Variants in CCBE1 observed in about 807,000 individuals in gnomAD.
The protein encoded by CCBE1 is collagen and calcium-binding EGF domain-containing protein 1.
In CCBE1, 37 loss-of-function variants were observed where a neutral mutation model predicts 50.0. The observed-to-expected ratio is 0.74, with a 90% CI of 0.57 to 0.97. The LOEUF (loss-of-function observed/expected upper bound fraction) is 0.97. Among genes scored for constraint, CCBE1 ranks in the 50% least tolerant of loss-of-function variants. The probability of loss-of-function intolerance (pLI) is 0.00; values close to 1 mark genes in which losing one functional copy is unlikely to be tolerated. For missense variants in CCBE1, 538 were observed against 523.8 expected (o/e 1.03, Z -0.26); for synonymous variants, 234 against 203.7 (o/e 1.15, Z -1.27).
At position 59,597,498 on chromosome 18, in the gene CCBE1, T is replaced by C. The variant is rs116899575; in HGVS notation, c.212+99131A>G. Among the ~76,000 whole-genome samples the C allele has an allele frequency of 2.2e-3, 337 of 152,322 alleles. 6 individuals carry two copies. In the East Asian group the frequency reaches 0.032, roughly 14 times the overall value. On this transcript the variant is annotated intron_variant, in intron 2 of 10. Transcript: ENST00000439986. ...TCTCCTTCCTTCTTGCTTCCTCCGG[T>C]CCTCTCTGTATGACCCAAGGCTCAT... is the stretch of plus-strand genomic sequence containing the variant.
intron 5 of CCBE1, chr18:59,464,856 T>C (rs924023322): frequency 1.3e-5 from 2 of 152,292 alleles, no homozygotes; most frequent in African/African-American, 4.8e-5. Flanking sequence ...GCTCTGGTTT[T>C]TTCATCTCTG....
intron 2 of CCBE1, among the ~76,000 whole-genome samples, chr18:59,519,128 C>T (rs1173787543): frequency 6.6e-6 from 1 of 152,106 alleles, no homozygotes; most frequent in East Asian, 1.9e-4. Flanking sequence ...AACCCACTAC[C>T]GAGTACACCC....
At position 59,480,176 on chromosome 18, in the gene CCBE1, T is replaced by G; in HGVS notation, c.265+10A>C. The stretch of plus-strand genomic sequence containing the variant: ...ATAAAGTCAGACAATATCTTTTTTA[T>G]ATTACATACCTTCTGGGATGCATTG... On this transcript the variant is annotated intron_variant, in intron 3 of 10. Transcript: ENST00000439986. 1 of 1,550,606 alleles carries G rather than the reference T, an allele frequency of 6.4e-7. No individual in the cohort carries two copies. Among genetic ancestry groups the G allele is most frequent in the South Asian group, 1.1e-5 (1 of 89,440 alleles).
intron 2 of CCBE1, among the ~76,000 whole-genome samples, chr18:59,638,940 G>T (rs1293048966): frequency 1.3e-5 from 2 of 152,190 alleles, no homozygotes; most frequent in Admixed American, 6.5e-5. Flanking sequence ...TAATTTGAGA[G>T]TAACTGGTTT....
At chr18:59,613,730 C>T (rs965321893) in intron 2 of CCBE1, among the ~76,000 whole-genome samples, 1 of 150,978 alleles carries the variant, frequency 6.6e-6, no homozygotes, top group Admixed American at 6.6e-5. Context: ...GAGACCCCAT[C>T]TTTATTAAAA....
chr18:59,450,637 G>A (rs1910886907), intron 6 of CCBE1, among the ~76,000 whole-genome samples: 1 of 152,172 alleles, frequency 6.6e-6, no homozygotes, highest in Admixed American at 6.5e-5. Context: ...AGGTTCAAGT[G>A]ATTCTCCTGC....
chr18:59,596,409 C>A (rs892603501), intron 2 of CCBE1, among the ~76,000 whole-genome samples: 4 of 151,998 alleles, frequency 2.6e-5, no homozygotes, highest in African/African-American at 7.3e-5. Flanking sequence ...TGTAAATTGA[C>A]CATTTTGGAA....
chr18:59,632,353 C>T (rs537747898), intron 2 of CCBE1, among the ~76,000 whole-genome samples: 180 of 152,268 alleles, frequency 1.2e-3, no homozygotes, highest in African/African-American at 4.2e-3. Context: ...TGCAGTGGCT[C>T]ACTGCAACCT....
At chr18:59,623,413 G>A (rs748232570) in intron 2 of CCBE1, among the ~76,000 whole-genome samples, 46 of 152,172 alleles carry the variant, frequency 3.0e-4, no homozygotes, top group Non-Finnish European at 3.5e-4. Context: ...ACTTATCCAA[G>A]ACACCAAATT....
At chr18:59,652,498 A>G (rs1438213480) in intron 2 of CCBE1, among the ~76,000 whole-genome samples, 1 of 151,828 alleles carries the variant, frequency 6.6e-6, no homozygotes, top group Non-Finnish European at 1.5e-5. Context: ...TTTAATGTAA[A>G]CTCCATAGCC....
chr18:59,549,512 G>A (rs1915836698), intron 2 of CCBE1, among the ~76,000 whole-genome samples: 1 of 152,150 alleles, frequency 6.6e-6, no homozygotes, highest in Non-Finnish European at 1.5e-5. Flanking sequence ...TCCATCTGGT[G>A]CACCGGGGCT....
chr18:59,480,238 C>G lies in CCBE1; in HGVS notation c.213G>C (p.Arg71Ser). 6.3e-7 allele frequency: 1 copy of G among 1,585,976 alleles called. No individual in the cohort carries two copies. Among genetic ancestry groups the G allele is most frequent in the Non-Finnish European group, 8.7e-7 (1 of 1,155,314 alleles). Residue 71 changes from arginine (R) to serine (S), a missense_variant and splice_region_variant, in exon 3 of 11, where the codon AGG becomes AGC. Coordinates refer to ENST00000439986, the MANE Select transcript of CCBE1 (RefSeq NM_133459.4). ...KSSGELTTCY[R>S]KKCCKGYKFV... ...ATTTATATCCTTTGCAGCACTTTTT[C>G]CTAAGAGACAAACAAACATTTAAAA...
intron 7 of CCBE1, among the ~76,000 whole-genome samples, chr18:59,444,483 T>G (rs539837644): frequency 4.8e-4 from 73 of 152,134 alleles, no homozygotes; most frequent in African/African-American, 1.7e-3. Flanking sequence ...TGCCCAGGGT[T>G]CCAATTTTTC....
chr18:59,648,004 C>A (rs374200337), intron 2 of CCBE1, among the ~76,000 whole-genome samples: 2 of 152,050 alleles, frequency 1.3e-5, no homozygotes, highest in Non-Finnish European at 2.9e-5. Context: ...CATATGTGAA[C>A]AAATCCTTAC....
intron 2 of CCBE1, among the ~76,000 whole-genome samples, chr18:59,531,226 T>G (rs1055510706): frequency 6.6e-6 from 1 of 151,694 alleles, no homozygotes; most frequent in Non-Finnish European, 1.5e-5. Flanking sequence ...ACTCCCAACA[T>G]TGAGAAGAAA....
intron 2 of CCBE1, among the ~76,000 whole-genome samples, chr18:59,677,066 A>AT (rs1226766116): frequency 6.6e-6 from 1 of 152,140 alleles, no homozygotes; most frequent in Non-Finnish European, 1.5e-5. Flanking sequence ...CCATAGAAGG[A>AT]TTTTAAGCCT....
intron 9 of CCBE1, among the ~76,000 whole-genome samples, chr18:59,438,944 G>A (rs1372411142): frequency 6.6e-6 from 1 of 152,100 alleles, no homozygotes; most frequent in Non-Finnish European, 1.5e-5. Flanking sequence ...GGGGTCAGGA[G>A]TTTAAGGCCA....
chr18:59,664,403 A>G (rs1161295782), intron 2 of CCBE1, among the ~76,000 whole-genome samples: 1 of 152,168 alleles, frequency 6.6e-6, no homozygotes, highest in African/African-American at 2.4e-5. Flanking sequence ...AACTGAGGAT[A>G]AAGTAAATGG....
intron 6 of CCBE1, among the ~76,000 whole-genome samples, chr18:59,451,072 C>T (rs1033021626): frequency 7.9e-5 from 12 of 151,846 alleles, no homozygotes; most frequent in Non-Finnish European, 1.5e-4. Flanking sequence ...GATTTAACAC[C>T]GTTGGCATGG....
Sources: gnomAD v4.1 joint callset for allele counts (sites outside exome capture counted in the v4.1 genomes callset) on GRCh38, gnomAD v4.1.1 for gene constraint, MANE v1.5 for transcripts, NCBI Gene and HGNC (gene_info 2026-07-23, HGNC 2026-07-21) for gene names.